Variants in FMN1 observed in about 807,000 individuals in gnomAD.
FMN1 encodes formin-1.
FMN1 carries 110 observed loss-of-function variants against 132.4 expected under a neutral mutation model. That is an observed-to-expected ratio of 0.83 (90% CI 0.71 to 0.97). The LOEUF is 0.97. Ranked by LOEUF, FMN1 falls within the 50% of genes least tolerant of loss-of-function variation. The pLI is 0.00. For missense variants in FMN1, 1,792 were observed against 1,705.3 expected (o/e 1.05, Z -0.90); for synonymous variants, 722 against 651.7 (o/e 1.11, Z -1.64).
At chr15:32,986,308 C>T (rs2033066767) in intron 7 of FMN1, among the ~76,000 whole-genome samples, 1 of 152,030 alleles carries the variant, frequency 6.6e-6, no homozygotes, top group East Asian at 1.9e-4. Context: ...TGCTTGAAAA[C>T]AACAGTGAGA....
At chr15:32,952,932 G>T (rs1388873952) in intron 9 of FMN1, among the ~76,000 whole-genome samples, 1 of 152,142 alleles carries the variant, frequency 6.6e-6, no homozygotes, top group African/African-American at 2.4e-5. Context: ...AGAGTCTCAC[G>T]TCCGTGTCAA....
At chr15:33,124,372 G>C (rs1324947679) in intron 4 of FMN1, among the ~76,000 whole-genome samples, 1 of 152,128 alleles carries the variant, frequency 6.6e-6, no homozygotes, top group Non-Finnish European at 1.5e-5. Flanking sequence ...TGATCAATGA[G>C]TAGGACCCTC....
At chr15:33,187,680 C>A (rs1965932936) in intron 2 of FMN1, among the ~76,000 whole-genome samples, 1 of 152,134 alleles carries the variant, frequency 6.6e-6, no homozygotes, top group Admixed American at 6.5e-5. Context: ...CATTCTGATG[C>A]CTCAATGACC....
chr15:33,128,785 G>T (rs577587039), intron 4 of FMN1, among the ~76,000 whole-genome samples: 9 of 152,330 alleles, frequency 5.9e-5, no homozygotes, highest in African/African-American at 1.7e-4. Context: ...CCCAAACGGT[G>T]AGCAGCAGCA....
intron 3 of FMN1, among the ~76,000 whole-genome samples, chr15:33,174,720 G>A (rs1965453591): frequency 6.6e-6 from 1 of 151,846 alleles, no homozygotes; most frequent in East Asian, 1.9e-4. Flanking sequence ...ATCATATTCA[G>A]CATATATGAT....
intron 17 of FMN1, among the ~76,000 whole-genome samples, chr15:32,846,380 A>G (rs141494893): frequency 6.2e-4 from 95 of 152,294 alleles, no homozygotes; most frequent in African/African-American, 2.2e-3. Flanking sequence ...TAAATTTACA[A>G]GAAACAACCC....
intron 6 of FMN1, among the ~76,000 whole-genome samples, chr15:33,020,320 G>A (rs184693): frequency 8.0e-4 from 121 of 151,770 alleles, no homozygotes; most frequent in Middle Eastern, 3.4e-3. Flanking sequence ...TTGGGAAACC[G>A]ACCCCCCCAA....
Position 32,940,771 on chromosome 15 carries a change from C to T in FMN1, c.3139-14510G>A, listed in dbSNP as rs372706790. On this transcript the variant is annotated intron_variant, in intron 9 of 20. Transcript: ENST00000616417. The stretch of plus-strand genomic sequence containing the variant: ...TGCAGAACATGAACCCCAAAAGACA[C>T]TGTAACTCATGGTCTGGGTGTCCAA... Among the ~76,000 whole-genome samples, 55 of 152,250 alleles carry T rather than the reference C, an allele frequency of 3.6e-4. 1 individual carries two copies. The South Asian group carries it at 0.011, about 31-fold the overall frequency.
chr15:32,972,122 A>G (rs139465429), intron 7 of FMN1, among the ~76,000 whole-genome samples: 121 of 152,336 alleles, frequency 7.9e-4, no homozygotes, highest in Middle Eastern at 6.8e-3. Flanking sequence ...AAGAAAATAC[A>G]GAAGAGTGTT....
chr15:32,848,142 TA>T (rs1471895272), intron 17 of FMN1, among the ~76,000 whole-genome samples: 1 of 151,930 alleles, frequency 6.6e-6, no homozygotes, highest in Non-Finnish European at 1.5e-5. Context: ...GAGGAACAGG[TA>T]AAACACCCTA....
intron 7 of FMN1, among the ~76,000 whole-genome samples, chr15:32,999,032 A>G (rs1201911939): frequency 1.3e-5 from 2 of 152,196 alleles, no homozygotes; most frequent in Non-Finnish European, 2.9e-5. Context: ...TAACCTCACA[A>G]CATTTCACAG....
chr15:32,785,088 A>AC (rs1270970794), intron 19 of FMN1, among the ~76,000 whole-genome samples: 3 of 149,506 alleles, frequency 2.0e-5, no homozygotes, highest in African/African-American at 7.4e-5. Flanking sequence ...CTGTAACAAG[A>AC]CTGTCAACCT....
At chr15:33,070,986 C>T (rs1000623667) in intron 5 of FMN1, among the ~76,000 whole-genome samples, 3 of 152,164 alleles carry the variant, frequency 2.0e-5, no homozygotes. Context: ...CTCCAGCATC[C>T]ACACTCTCAA....
rs1491515375 is a variant in FMN1 at position 33,082,092 on chromosome 15, A to AAT, written c.2043+6705_2043+6706dup. ...CGCTTTGTCACCCAGGCTGGAAAAC[A>AAT]ATGTGTGTGTGTGTGTGTGTGTGTG... On this transcript the variant is annotated intron_variant, in intron 5 of 20. Coordinates refer to ENST00000616417, the MANE Select transcript of FMN1 (RefSeq NM_001277313.2). Among the ~76,000 whole-genome samples the AAT allele has an allele frequency of 8.0e-5, 7 of 87,984 alleles. No individual in the cohort carries two copies. In the South Asian group the frequency reaches 1.8e-3, roughly 23 times the overall value. 57.7% of individuals were successfully genotyped at this position (87,984 alleles called of 152,430 possible).
At chr15:33,112,051 A>AGTT (rs536965848) in intron 4 of FMN1, among the ~76,000 whole-genome samples, 155 of 152,192 alleles carry the variant, frequency 1.0e-3, no homozygotes, top group Non-Finnish European at 2.0e-3. Context: ...TAGTGTTAAC[A>AGTT]AAGTTTTTGT....
At chr15:32,909,926 G>C (rs1326440715) in intron 11 of FMN1, among the ~76,000 whole-genome samples, 1 of 151,884 alleles carries the variant, frequency 6.6e-6, no homozygotes, top group Non-Finnish European at 1.5e-5. Flanking sequence ...CTATACTGAT[G>C]ATCACAACGG....
intron 4 of FMN1, among the ~76,000 whole-genome samples, chr15:33,111,801 G>C (rs952939793): frequency 6.6e-6 from 1 of 152,102 alleles, no homozygotes; most frequent in Non-Finnish European, 1.5e-5. Context: ...GTGGGAAAAT[G>C]GTGAGTGACT....
At chr15:33,097,971 G>A (rs1416700055) in intron 4 of FMN1, among the ~76,000 whole-genome samples, 4 of 152,074 alleles carry the variant, frequency 2.6e-5, no homozygotes. Flanking sequence ...AGTACATATG[G>A]AATTTATCAA....
intron 5 of FMN1, among the ~76,000 whole-genome samples, chr15:33,084,256 T>C (rs2038603686): frequency 1.3e-5 from 2 of 152,194 alleles, no homozygotes; most frequent in African/African-American, 4.8e-5. Context: ...CCAAGAACCC[T>C]TTCTTGGGGT....
Sources: allele counts gnomAD v4.1 joint callset (sites outside exome capture counted in the v4.1 genomes callset), GRCh38; gene constraint gnomAD v4.1.1; transcripts MANE v1.5; gene names NCBI Gene and HGNC (gene_info 2026-07-23, HGNC 2026-07-21).